The following TECRL variants were observed in gnomAD, a reference collection of about 807,000 sequenced individuals.
TECRL encodes the protein trans-2,3-enoyl-CoA reductase-like.
In TECRL, 63 loss-of-function variants were observed where a neutral mutation model predicts 52.8. The ratio of observed to expected loss-of-function variants is 1.19; its 90% CI spans 0.97 to 1.47. The LOEUF is 1.47. Ranked by LOEUF, TECRL falls within the 40% of genes most tolerant of loss-of-function variation. The pLI, the probability that TECRL is intolerant of heterozygous loss-of-function variation, is 0.00. For missense variants in TECRL, 482 were observed against 429.6 expected, an observed-to-expected ratio of 1.12 and a Z score of -1.08; for synonymous variants, 164 against 141.9, an observed-to-expected ratio of 1.16 and a Z score of -1.10.
At chr4:64,405,234 T>C (rs1724625772) in intron 1 of TECRL, among the ~76,000 whole-genome samples, 1 of 152,106 alleles carries the variant, frequency 6.6e-6, no homozygotes, top group Non-Finnish European at 1.5e-5. Flanking sequence ...ATTGACTAGT[T>C]TTGAGGAGCA....
At chr4:64,375,037 A>G (rs1046569196) in intron 2 of TECRL, 135 bp downstream of exon 2, 4 of 370,802 alleles carry the variant, frequency 1.1e-5, no homozygotes, top group African/African-American at 8.4e-5. Context: ...AATATTAAGC[A>G]AACTATTGTT....
At chr4:64,394,412 T>C (rs909186549) in intron 1 of TECRL, among the ~76,000 whole-genome samples, 2 of 152,158 alleles carry the variant, frequency 1.3e-5, no homozygotes, top group African/African-American at 2.4e-5. Flanking sequence ...ATAATTGTAG[T>C]GGACATGCGC....
At chr4:64,353,243 GA>G (rs1221735463) in intron 2 of TECRL, among the ~76,000 whole-genome samples, 2 of 152,070 alleles carry the variant, frequency 1.3e-5, no homozygotes, top group Non-Finnish European at 2.9e-5. Context: ...AGTAAAAATC[GA>G]AAAATTCAAC....
At chr4:64,361,661 T>C (rs1435158545) in intron 2 of TECRL, among the ~76,000 whole-genome samples, 1 of 152,050 alleles carries the variant, frequency 6.6e-6, no homozygotes, top group East Asian at 1.9e-4. Context: ...ACCCAACTTA[T>C]TCCATAGCCA....
At chr4:64,315,425 G>T (rs1717430239) in intron 4 of TECRL, among the ~76,000 whole-genome samples, 1 of 152,018 alleles carries the variant, frequency 6.6e-6, no homozygotes, top group Admixed American at 6.6e-5. Flanking sequence ...AGATTAATTG[G>T]CTAACTGGTC....
In TECRL at chr4:64,278,766, C is replaced by T. The variant is rs193036561; in HGVS notation, c.*1306G>A. ...CAAATCTCTCTCTAGTCTCCCTTTG[C>T]TGCAGCTTTCCCAGCCTGTAGTATC... On this transcript the variant is annotated 3_prime_UTR_variant, in exon 12 of 12. Coordinates refer to ENST00000381210, the MANE Select transcript of TECRL (RefSeq NM_001010874.5). 3.9e-5 allele frequency: 6 copies of T among 152,268 alleles called. No homozygotes were observed. The East Asian group carries it at 9.6e-4, about 24-fold the overall frequency. 9.4% of individuals were successfully genotyped at this position (152,268 alleles called of 1,614,324 possible).
chr4:64,282,047 C>T (rs1235017563), intron 9 of TECRL, among the ~76,000 whole-genome samples: 1 of 151,628 alleles, frequency 6.6e-6, no homozygotes, highest in Non-Finnish European at 1.5e-5. Flanking sequence ...TCATTTATAC[C>T]AGAAAAGTAT....
chr4:64,390,374 A>G (rs1723470347), intron 1 of TECRL, among the ~76,000 whole-genome samples: 1 of 151,924 alleles, frequency 6.6e-6, no homozygotes, highest in African/African-American at 2.4e-5. Flanking sequence ...GAGCATGATC[A>G]TGTAACTTGA....
intron 2 of TECRL, among the ~76,000 whole-genome samples, chr4:64,339,245 G>T (rs1311450195): frequency 7.6e-6 from 1 of 131,178 alleles, no homozygotes; most frequent in Non-Finnish European, 1.6e-5. Context: ...AGAACACTTG[G>T]ACACAGGAAG....
At chr4:64,368,575 T>C (rs1291473634) in intron 2 of TECRL, among the ~76,000 whole-genome samples, 1 of 152,178 alleles carries the variant, frequency 6.6e-6, no homozygotes, top group African/African-American at 2.4e-5. Flanking sequence ...ATTACAGGCA[T>C]GAGCCACTGT....
Position 64,385,763 on chromosome 4 carries a change from T to C in TECRL, c.235-10540A>G, listed in dbSNP as rs145146679. Among the ~76,000 whole-genome samples the C allele has an allele frequency of 2.1e-3, 326 of 152,196 alleles. 2 individuals carry two copies. The highest frequency in any genetic ancestry group is 7.7e-3 in the African/African-American group (319 of 41,522). On this transcript the variant is annotated intron_variant, in intron 1 of 11. Transcript: ENST00000381210. The stretch of plus-strand genomic sequence containing the variant: ...TGTGAACTCCCTCTCTGGAATAATG[T>C]CATCGTGTGGACTCCAGGCAGCTCC...
intron 4 of TECRL, among the ~76,000 whole-genome samples, chr4:64,319,168 A>G: frequency 6.6e-6 from 1 of 151,862 alleles, no homozygotes; most frequent in East Asian, 1.9e-4. Flanking sequence ...TACCAAAATA[A>G]CACAAAGGTA....
intron 2 of TECRL, among the ~76,000 whole-genome samples, chr4:64,334,880 GC>G (rs1412599662): frequency 6.6e-5 from 10 of 152,284 alleles, no homozygotes; most frequent in African/African-American, 2.4e-4. Flanking sequence ...TAACCAGTGT[GC>G]TCACTGAATT....
At chr4:64,352,422 TAGAG>T (rs1483936297) in intron 2 of TECRL, among the ~76,000 whole-genome samples, 2 of 152,194 alleles carry the variant, frequency 1.3e-5, no homozygotes, top group African/African-American at 4.8e-5. Context: ...GATACATAGA[TAGAG>T]ATAGTATCTA....
chr4:64,280,934 C>T, intron 11 of TECRL, 107 bp downstream of exon 11: 1 of 667,460 alleles, frequency 1.5e-6, no homozygotes, highest in Non-Finnish European at 2.4e-6. Context: ...CTATGAAATC[C>T]TTTTACAATC....
intron 2 of TECRL, among the ~76,000 whole-genome samples, chr4:64,373,604 CAT>C (rs1722132313): frequency 6.6e-6 from 1 of 151,684 alleles, no homozygotes; most frequent in African/African-American, 2.4e-5. Flanking sequence ...TTCTTTTACA[CAT>C]AAACTCGACT....
chr4:64,389,490 CT>C (rs1445336646), intron 1 of TECRL, among the ~76,000 whole-genome samples: 1 of 151,878 alleles, frequency 6.6e-6, no homozygotes, highest in Non-Finnish European at 1.5e-5. Flanking sequence ...AAGGATACTT[CT>C]TTTTATACAG....
chr4:64,401,821 T>A (rs897570776), intron 1 of TECRL, among the ~76,000 whole-genome samples: 2 of 152,152 alleles, frequency 1.3e-5, no homozygotes, highest in Non-Finnish European at 2.9e-5. Flanking sequence ...CAGTATTAAT[T>A]GTATTCATTC....
chr4:64,288,833 G>A (rs1006964327), intron 9 of TECRL, among the ~76,000 whole-genome samples: 12 of 152,160 alleles, frequency 7.9e-5, no homozygotes, highest in African/African-American at 2.9e-4. Flanking sequence ...TTGGTCAACA[G>A]AAAGGACCCA....
Sources: allele counts gnomAD v4.1 joint callset (sites outside exome capture counted in the v4.1 genomes callset), GRCh38; gene constraint gnomAD v4.1.1; transcripts MANE v1.5; gene names NCBI Gene and HGNC (gene_info 2026-07-23, HGNC 2026-07-21).